Variants in CAMKV observed in about 807,000 individuals in gnomAD.
The protein encoded by CAMKV is caM kinase-like vesicle-associated protein.
A neutral mutation model predicts 50.2 loss-of-function variants in CAMKV; 5 were observed. The observed-to-expected ratio is 0.10, with a 90% confidence interval of 0.05 to 0.21. The LOEUF is 0.21. Among genes scored for constraint, CAMKV ranks in the 10% least tolerant of loss-of-function variants. The pLI is 1.00. For missense variants in CAMKV, 361 were observed against 650.5 expected (o/e 0.55, Z 4.84); for synonymous variants, 229 against 250.1 (o/e 0.92, Z 0.80).
chr3:49,866,914 CAG>C (rs1367655060), intron 1 of CAMKV, among the ~76,000 whole-genome samples: 2 of 152,256 alleles, frequency 1.3e-5, no homozygotes, highest in Non-Finnish European at 2.9e-5. Flanking sequence ...TAGACATAAA[CAG>C]AGTTTCCTGC....
chr3:49,861,531 A>G lies in CAMKV; in HGVS notation c.349T>C (p.Tyr117His), dbSNP rs1288269620. 6.2e-7 allele frequency: 1 copy of G among 1,614,172 alleles called. No individual in the cohort carries two copies. The highest frequency in any genetic ancestry group is 8.5e-7 in the Non-Finnish European group (1 of 1,180,024). Residue 117 changes from tyrosine (Y) to histidine (H), a missense_variant, in exon 5 of 11, where the codon TAC becomes CAC. Coordinates refer to ENST00000477224, the MANE Select transcript of CAMKV (RefSeq NM_024046.5). This position sits in a 1 kb window ranked among gnomAD's most constrained non-coding sequence, Gnocchi z 7.7. Reference protein sequence around the residue: ...VFDWILDQGYYSERDTSNVVR... With the variant: ...VFDWILDQGYHSERDTSNVVR... ...ACGTTGCTTGTGTCTCGCTCCGAGT[A>G]GTAGCCCTGGTCCAGGATCCAGTCA...
rs1336393154 is a variant in CAMKV at position 49,861,445 on chromosome 3, A to G, written c.435T>C (p.Asn145=). 6 of 1,613,968 alleles carry G rather than the reference A, an allele frequency of 3.7e-6. No individual in the cohort carries two copies. Among genetic ancestry groups the G allele is most frequent in the Non-Finnish European group, 4.2e-6 (5 of 1,180,026 alleles). The change falls in exon 5 of 11, where the codon AAT becomes AAC. Residue 145 remains asparagine, a synonymous_variant. Transcript: ENST00000477224. This position sits in a 1 kb window ranked among gnomAD's most constrained non-coding sequence, Gnocchi z 7.7. ...ACTCTGGCTCTGCCCTCACCTTGAG[A>G]TTCCTGTGCACGATCTTGAGTGAGT... ...YLHSLKIVHR[N]LKLENLVYYN...
Position 49,866,880 on chromosome 3 carries a change from T to C in CAMKV, c.-15+2878A>G, listed in dbSNP as rs189745603. Reference sequence around the variant, plus strand: ...CCTGTCCCCTCCTCCGCTGAGATCATCCTGGTTCAGGCCCTACCTTTCATA... The same window carrying C: ...CCTGTCCCCTCCTCCGCTGAGATCACCCTGGTTCAGGCCCTACCTTTCATA... On this transcript the variant is annotated intron_variant, in intron 1 of 10. Transcript: ENST00000477224. Among the ~76,000 whole-genome samples, 67 of 152,358 alleles carry C rather than the reference T, an allele frequency of 4.4e-4. No homozygotes were observed. In the Middle Eastern group the frequency reaches 0.01, roughly 23 times the overall value.
In CAMKV at chr3:49,859,717, A is replaced by G. The variant is rs750044422; in HGVS notation, c.1107T>C (p.Asp369=). The part of the protein sequence containing the change: ...ASGATSAPEG[D]AARAAKSDNV... Reference sequence around the variant, plus strand: ...TATCACTCTTTGCAGCACGAGCAGCATCACCCTCAGGGGCTGAGGTAGCTC... The same window carrying G: ...TATCACTCTTTGCAGCACGAGCAGCGTCACCCTCAGGGGCTGAGGTAGCTC... Residue 369 remains aspartate, a synonymous_variant, in exon 11 of 11, where the codon GAT becomes GAC. Coordinates refer to ENST00000477224, the MANE Select transcript of CAMKV (RefSeq NM_024046.5). This position sits in a 1 kb window ranked among gnomAD's most constrained non-coding sequence, Gnocchi z 5.5. The G allele has an allele frequency of 1.2e-6, 2 of 1,604,952 alleles. No homozygotes were observed. Among genetic ancestry groups the G allele is most frequent in the African/African-American group, 2.7e-5 (2 of 74,866 alleles).
At position 49,859,772 on chromosome 3, in the gene CAMKV, G is replaced by T. The variant is rs1229510660; in HGVS notation, c.1052C>A (p.Ala351Glu). 6.4e-7 allele frequency: 1 copy of T among 1,560,710 alleles called. No homozygotes were observed. The highest frequency in any genetic ancestry group is 1.2e-5 in the South Asian group (1 of 82,214). The change falls in exon 11 of 11, where the codon GCA becomes GAA. Residue 351 changes from alanine to glutamate, a missense_variant. Coordinates refer to ENST00000477224, the MANE Select transcript of CAMKV (RefSeq NM_024046.5). This position sits in a 1 kb window ranked among gnomAD's most constrained non-coding sequence, Gnocchi z 5.5. The stretch of plus-strand genomic sequence containing the variant: ...CGCAGCTGCAGCTGTGGCCCCACCT[G>T]CAGCCCCGGGGGTGGCAGTGTCTGT... The part of the protein sequence containing the change: ...SATDTATPGA[A>E]GGATAAAASG...
At chr3:49,868,528 A>C (rs1299839035) in intron 1 of CAMKV, among the ~76,000 whole-genome samples, 1 of 152,206 alleles carries the variant, frequency 6.6e-6, no homozygotes, top group Non-Finnish European at 1.5e-5. Context: ...TGGCCAGGGC[A>C]TGGGGCTGGA....
At position 49,859,421 on chromosome 3, in the gene CAMKV, T is replaced by C. The variant is rs1454180733; in HGVS notation, c.1403A>G (p.Asp468Gly). 2 of 1,611,650 alleles carry C rather than the reference T, an allele frequency of 1.2e-6. No individual in the cohort carries two copies. Among genetic ancestry groups the C allele is most frequent in the Non-Finnish European group, 1.7e-6 (2 of 1,178,406 alleles). The change falls in exon 11 of 11, where the codon GAC becomes GGC. Residue 468 changes from aspartate (D) to glycine (G), a missense_variant. Transcript: ENST00000477224. The surrounding 1 kb of genome is among the most constrained non-coding windows in gnomAD (Gnocchi z 5.5). Reference sequence around the variant, plus strand: ...TGTGGCGCCCTCTGGGGCTGTGCTGTCCGGCTGGGCCATAGCCGGCTCAGG... The same window carrying C: ...TGTGGCGCCCTCTGGGGCTGTGCTGCCCGGCTGGGCCATAGCCGGCTCAGG... ...ATPEPAMAQPDSTAPEGATGQ... is the reference protein window; with the variant it reads ...ATPEPAMAQPGSTAPEGATGQ...
Position 49,860,390 on chromosome 3 carries a change from C to A in CAMKV, c.854+81G>T. On this transcript the variant is annotated intron_variant, in intron 9 of 10. Coordinates refer to ENST00000477224, the MANE Select transcript of CAMKV (RefSeq NM_024046.5). This position sits in a 1 kb window ranked among gnomAD's most constrained non-coding sequence, Gnocchi z 6.1. ...CTGCCCTGAGCTCTAGGTACCTGCA[C>A]CCCTTCCAGGCCTCAAAGATGGGGC... The A allele has an allele frequency of 1.3e-6, 2 of 1,553,468 alleles. No homozygotes were observed. The highest frequency in any genetic ancestry group is 1.8e-6 in the Non-Finnish European group (2 of 1,130,426).
intron 1 of CAMKV, among the ~76,000 whole-genome samples, chr3:49,866,340 A>G (rs2082065521): frequency 6.6e-6 from 1 of 152,228 alleles, no homozygotes; most frequent in African/African-American, 2.4e-5. Context: ...GCCAAGGGAC[A>G]GCTCTCAGAA....
rs551048179 is a variant in CAMKV, at chr3:49,858,601, G to T, written c.*717C>A. The T allele has an allele frequency of 4.9e-4, 183 of 373,840 alleles. 4 individuals are homozygous for T. The South Asian group carries it at 0.024, about 49-fold the overall frequency. 23.2% of individuals were successfully genotyped at this position (373,840 alleles called of 1,614,324 possible). On this transcript the variant is annotated 3_prime_UTR_variant, in exon 11 of 11. Transcript: ENST00000477224. Reference sequence around the variant, plus strand: ...CCCTTAGAGGCTCATGAGGTTCAGGGTACAGGGCAGCCCACTGCAGGACTC... The same window carrying T: ...CCCTTAGAGGCTCATGAGGTTCAGGTTACAGGGCAGCCCACTGCAGGACTC...
chr3:49,859,206 G>T lies in CAMKV; in HGVS notation c.*112C>A. On this transcript the variant is annotated 3_prime_UTR_variant, in exon 11 of 11. Transcript: ENST00000477224. The surrounding 1 kb of genome is among the most constrained non-coding windows in gnomAD (Gnocchi z 5.5). ...TAGTTATGCCCCACTGGGATGTGGG[G>T]GCATGGGGGAGCGAGGGCATCATGC... 1.0e-6 allele frequency: 1 copy of T among 998,556 alleles called. No homozygotes were observed. The highest frequency in any genetic ancestry group is 1.5e-6 in the Non-Finnish European group (1 of 682,836). 61.9% of individuals were successfully genotyped at this position (998,556 alleles called of 1,614,324 possible). A position where few individuals can be genotyped will look rare whatever the true frequency, so the allele number is the denominator to read the frequency against.
rs1200602777 is a variant in CAMKV at position 49,869,142 on chromosome 3, C to T, written c.-15+616G>A. Among the ~76,000 whole-genome samples, 1 of 152,172 alleles carries T rather than the reference C, an allele frequency of 6.6e-6. No homozygotes were observed. Among genetic ancestry groups the T allele is most frequent in the Non-Finnish European group, 1.5e-5 (1 of 68,026 alleles). ...CATGCGGAAAGCACACGTGTGAGCA[C>T]CAAGCCCCGCACCTCCCAGCAGGAA... is the stretch of plus-strand genomic sequence containing the variant. On this transcript the variant is annotated intron_variant, in intron 1 of 10. Coordinates refer to ENST00000477224, the MANE Select transcript of CAMKV (RefSeq NM_024046.5). This position sits in a 1 kb window ranked among gnomAD's most constrained non-coding sequence, Gnocchi z 5.2.
Position 49,859,578 on chromosome 3 carries a change from C to T in CAMKV, c.1246G>A (p.Gly416Arg), listed in dbSNP as rs200719095. 6.2e-7 allele frequency: 1 copy of T among 1,614,144 alleles called. No individual in the cohort carries two copies. Among genetic ancestry groups the T allele is most frequent in the African/African-American group, 1.3e-5 (1 of 75,020 alleles). ...TDGSITPATD[G>R]SVTPATDRSA... ...CTGTCAGTGGCTGGGGTGACACTCCCATCAGTGGCTGGAGTGATGCTTCCA... is the reference window on the plus strand; with the variant it reads ...CTGTCAGTGGCTGGGGTGACACTCCTATCAGTGGCTGGAGTGATGCTTCCA... The change falls in exon 11 of 11, where the codon GGG becomes AGG. Residue 416 changes from glycine to arginine, a missense_variant. Transcript: ENST00000477224. This position sits in a 1 kb window ranked among gnomAD's most constrained non-coding sequence, Gnocchi z 5.5.
At position 49,861,622 on chromosome 3, in the gene CAMKV, G is replaced by A. The variant is rs1461542964; in HGVS notation, c.303-45C>T. The A allele has an allele frequency of 6.2e-7, 1 of 1,613,394 alleles. No homozygotes were observed. Among genetic ancestry groups the A allele is most frequent in the Non-Finnish European group, 8.5e-7 (1 of 1,179,720 alleles). ...GAGCCTGGCGTGGGCAGAATCAGGG[G>A]TAGGGCAGGAGCACTTGGGTGAGCT... On this transcript the variant is annotated intron_variant, in intron 4 of 10. Transcript: ENST00000477224. This position sits in a 1 kb window ranked among gnomAD's most constrained non-coding sequence, Gnocchi z 7.7.
chr3:49,859,458 C>G lies in CAMKV; in HGVS notation c.1366G>C (p.Ala456Pro). Residue 456 changes from alanine to proline, a missense_variant, in exon 11 of 11, where the codon GCA becomes CCA. By Grantham distance (27) the Ala-to-Pro change is conservative. Coordinates refer to ENST00000477224, the MANE Select transcript of CAMKV (RefSeq NM_024046.5). This position sits in a 1 kb window ranked among gnomAD's most constrained non-coding sequence, Gnocchi z 5.5. ...ATAGCCGGCTCAGGGGTGGCAGCTG[C>G]CTTGGTGGCCAGCATGGCACTGCTT... ...TQSSAMLATK[A>P]AATPEPAMAQ... 6.2e-7 allele frequency: 1 copy of G among 1,613,938 alleles called. No individual in the cohort carries two copies. Among genetic ancestry groups the G allele is most frequent in the Non-Finnish European group, 8.5e-7 (1 of 1,179,820 alleles).
In CAMKV at chr3:49,859,295, C is replaced by A; in HGVS notation, c.*23G>T. 6.7e-7 allele frequency: 1 copy of A among 1,502,706 alleles called. No homozygotes were observed. Among genetic ancestry groups the A allele is most frequent in the South Asian group, 1.3e-5 (1 of 75,286 alleles). 93.1% of individuals were successfully genotyped at this position (1,502,706 alleles called of 1,614,324 possible). On this transcript the variant is annotated 3_prime_UTR_variant, in exon 11 of 11. Coordinates refer to ENST00000477224, the MANE Select transcript of CAMKV (RefSeq NM_024046.5). This position sits in a 1 kb window ranked among gnomAD's most constrained non-coding sequence, Gnocchi z 5.5. ...CTCCCACCCTCCTGCCCATCCCCTG[C>A]CCCCCCTCACCAGGCTGCCTACTCA...
chr3:49,859,547 G>A lies in CAMKV; in HGVS notation c.1277C>T (p.Ala426Val), dbSNP rs2082002955. The change falls in exon 11 of 11, where the codon GCT becomes GTT. Residue 426 changes from alanine to valine, a missense_variant. By Grantham distance (64) the Ala-to-Val change is moderately conservative. This residue lies in a region of CAMKV where 27 missense variants were observed against 59.9 expected (regional missense o/e 0.45). Transcript: ENST00000477224. This position sits in a 1 kb window ranked among gnomAD's most constrained non-coding sequence, Gnocchi z 5.5. ...GSVTPATDRS[A>V]TPATDGRATP... ...GGCTCTCCCATCAGTGGCTGGAGTA[G>A]CGCTCCTGTCAGTGGCTGGGGTGAC... is the stretch of plus-strand genomic sequence containing the variant. 1 of 1,614,052 alleles carries A rather than the reference G, an allele frequency of 6.2e-7. No homozygotes were observed. Among genetic ancestry groups the A allele is most frequent in the Non-Finnish European group, 8.5e-7 (1 of 1,180,014 alleles).
In CAMKV at chr3:49,860,419, T is replaced by C; in HGVS notation, c.854+52A>G. ...TTCCAGGCCTCAAAGATGGGGCTGCTGGGTGTGAGGGGGACCCTGGCCTCT... is the reference window on the plus strand; with the variant it reads ...TTCCAGGCCTCAAAGATGGGGCTGCCGGGTGTGAGGGGGACCCTGGCCTCT... On this transcript the variant is annotated intron_variant, in intron 9 of 10. Coordinates refer to ENST00000477224, the MANE Select transcript of CAMKV (RefSeq NM_024046.5). The surrounding 1 kb of genome is among the most constrained non-coding windows in gnomAD (Gnocchi z 6.1). 6.3e-7 allele frequency: 1 copy of C among 1,593,984 alleles called. No individual in the cohort carries two copies. Among genetic ancestry groups the C allele is most frequent in the Non-Finnish European group, 8.6e-7 (1 of 1,165,178 alleles).
rs756675433 is a variant in CAMKV, at chr3:49,859,761, T to C, written c.1063A>G (p.Thr355Ala). 1 of 1,566,514 alleles carries C rather than the reference T, an allele frequency of 6.4e-7. No homozygotes were observed. The highest frequency in any genetic ancestry group is 8.6e-7 in the Non-Finnish European group (1 of 1,156,664). The part of the protein sequence containing the change: ...TATPGAAGGA[T>A]AAAASGATSA... ...GTAGCTCCACTCGCAGCTGCAGCTG[T>C]GGCCCCACCTGCAGCCCCGGGGGTG... The change falls in exon 11 of 11, where the codon ACA becomes GCA. Residue 355 changes from threonine (T) to alanine (A), a missense_variant. By Grantham distance (58) the Thr-to-Ala change is moderately conservative. This residue lies in a region of CAMKV where 87 missense variants were observed against 92.0 expected (regional missense o/e 0.95). Coordinates refer to ENST00000477224, the MANE Select transcript of CAMKV (RefSeq NM_024046.5). This position sits in a 1 kb window ranked among gnomAD's most constrained non-coding sequence, Gnocchi z 5.5.
Sources: gnomAD v4.1 joint callset for allele counts (sites outside exome capture counted in the v4.1 genomes callset) on GRCh38, gnomAD v4.1.1 for gene constraint, gnomAD v4.1.1 regional missense constraint, Gnocchi (gnomAD v3.1) non-coding constraint, MANE v1.5 for transcripts, NCBI Gene and HGNC (gene_info 2026-07-23, HGNC 2026-07-21) for gene names.